Variants in RARB observed in about 807,000 individuals in gnomAD.
The protein encoded by RARB is retinoic acid receptor beta.
Under a neutral mutation model 51.9 loss-of-function variants are expected in RARB, and 17 were observed. The ratio of observed to expected loss-of-function variants is 0.33; its 90% CI spans 0.22 to 0.49. RARB has a LOEUF of 0.49. RARB is among the 20% of genes least tolerant of loss of function. RARB has a pLI of 0.99. For synonymous variants in RARB, 215 were observed against 195.4 expected, an observed-to-expected ratio of 1.10 and a Z score of -0.84; for missense variants, 369 against 550.8, an observed-to-expected ratio of 0.67 and a Z score of 3.30.
At chr3:25,139,367 T>G (rs989217711) in intron 4 of RARB, among the ~76,000 whole-genome samples, 1 of 152,144 alleles carries the variant, frequency 6.6e-6, no homozygotes, top group Non-Finnish European at 1.5e-5. Context: ...GCTACTCCAG[T>G]GAGCACACTA....
At chr3:24,861,806 A>G (rs1702753876) in intron 2 of RARB, among the ~76,000 whole-genome samples, 1 of 152,070 alleles carries the variant, frequency 6.6e-6, no homozygotes, top group Non-Finnish European at 1.5e-5. Flanking sequence ...TGAGCGTGAA[A>G]AAGACAAGTG....
chr3:25,179,283 G>A (rs1378230680), intron 5 of RARB, among the ~76,000 whole-genome samples: 16 of 152,150 alleles, frequency 1.1e-4, no homozygotes, highest in African/African-American at 3.1e-4. Context: ...GGGACAATTG[G>A]CTCAGAGGTG....
chr3:25,087,694 T>C (rs2125315569), intron 3 of RARB, among the ~76,000 whole-genome samples: 1 of 152,242 alleles, frequency 6.6e-6, no homozygotes, highest in South Asian at 2.1e-4. Flanking sequence ...TGTTATTCAT[T>C]CTCTCACCCA....
At chr3:25,377,069 T>C (rs1240600429) in intron 5 of RARB, among the ~76,000 whole-genome samples, 2 of 152,190 alleles carry the variant, frequency 1.3e-5, no homozygotes, top group Non-Finnish European at 2.9e-5. Context: ...TACTGAGTGA[T>C]TAATAACCCA....
intron 2 of RARB, among the ~76,000 whole-genome samples, chr3:25,471,750 C>G (rs752754456): frequency 6.6e-6 from 1 of 151,850 alleles, no homozygotes; most frequent in Non-Finnish European, 1.5e-5. Context: ...AGAACACTTT[C>G]ATTTGCTGTT....
intron 5 of RARB, among the ~76,000 whole-genome samples, chr3:25,359,755 G>T (rs1421692805): frequency 6.6e-6 from 1 of 152,160 alleles, no homozygotes; most frequent in Non-Finnish European, 1.5e-5. Context: ...TCAGGAGCAG[G>T]TTGTTCAGTT....
intron 5 of RARB, among the ~76,000 whole-genome samples, chr3:25,414,169 AC>A: frequency 6.6e-6 from 1 of 152,356 alleles, no homozygotes; most frequent in Non-Finnish European, 1.5e-5. Flanking sequence ...ATCAAATTAT[AC>A]ATTAGCTACT....
chr3:24,840,084 G>A (rs1048061000), intron 1 of RARB, among the ~76,000 whole-genome samples: 2 of 152,120 alleles, frequency 1.3e-5, no homozygotes, highest in South Asian at 4.1e-4. Context: ...CTGAGTGTAG[G>A]TTTTCTCACC....
At chr3:25,021,069 T>G (rs1160954335) in intron 2 of RARB, among the ~76,000 whole-genome samples, 1 of 152,254 alleles carries the variant, frequency 6.6e-6, no homozygotes, top group African/African-American at 2.4e-5. Context: ...TGATGTATTC[T>G]GAAAAATTAT....
At chr3:25,364,397 A>G (rs927392509) in intron 5 of RARB, among the ~76,000 whole-genome samples, 2 of 152,220 alleles carry the variant, frequency 1.3e-5, no homozygotes, top group African/African-American at 2.4e-5. Flanking sequence ...GTTGAATCCT[A>G]TGTACCTCCT....
At chr3:25,088,120 AG>A (rs1235672726) in intron 3 of RARB, among the ~76,000 whole-genome samples, 1 of 152,020 alleles carries the variant, frequency 6.6e-6, no homozygotes, top group Non-Finnish European at 1.5e-5. Flanking sequence ...TAGGGATCTA[AG>A]GCAAGGGGTC....
intron 3 of RARB, among the ~76,000 whole-genome samples, chr3:25,106,511 A>C: frequency 7.7e-6 from 1 of 130,238 alleles, no homozygotes; most frequent in South Asian, 2.5e-4. Flanking sequence ...CCATGTTGCC[A>C]AGGCTGGTCT....
chr3:24,958,255 G>GTTTTTTTTTTTTTTT (rs71057692), intron 2 of RARB, among the ~76,000 whole-genome samples: 7 of 69,470 alleles, frequency 1.0e-4, no homozygotes, highest in African/African-American at 1.3e-4. Context: ...AGCTGCTCAG[G>GTTTTTTTTTTTTTTT]TTTTTTTTTT....
intron 2 of RARB, among the ~76,000 whole-genome samples, chr3:25,004,490 C>G (rs913417504): frequency 2.6e-5 from 4 of 152,106 alleles, no homozygotes; most frequent in African/African-American, 4.8e-5. Flanking sequence ...AAGGGCTGAA[C>G]TTGCCCTTTT....
chr3:25,147,295 G>A (rs573356288), intron 4 of RARB, among the ~76,000 whole-genome samples: 5 of 151,946 alleles, frequency 3.3e-5, no homozygotes, highest in South Asian at 2.1e-4. Flanking sequence ...TTGTTCTACC[G>A]GTTCTTCCCA....
chr3:24,901,898 A>G (rs986897031), intron 2 of RARB, among the ~76,000 whole-genome samples: 1 of 152,096 alleles, frequency 6.6e-6, no homozygotes, highest in Non-Finnish European at 1.5e-5. Context: ...CGTTAATAAT[A>G]ATAAGTTGGT....
intron 5 of RARB, among the ~76,000 whole-genome samples, chr3:25,285,648 C>T (rs972517536): frequency 6.6e-6 from 1 of 152,114 alleles, no homozygotes; most frequent in Non-Finnish European, 1.5e-5. Context: ...GGGAGTATTT[C>T]AGAAACTTTT....
chr3:25,430,988 C>CTTTTTTT (rs11360533), intron 1 of RARB, among the ~76,000 whole-genome samples: 1 of 105,206 alleles, frequency 9.5e-6, no homozygotes, highest in Non-Finnish European at 1.9e-5. Context: ...AAAACTAAAA[C>CTTTTTTT]TTTTTTTTTT....
At chr3:25,356,318 G>GA (rs1352834742) in intron 5 of RARB, among the ~76,000 whole-genome samples, 3 of 151,716 alleles carry the variant, frequency 2.0e-5, no homozygotes, top group East Asian at 1.9e-4. Context: ...CTATAGGAGG[G>GA]AAAAAAAGGT....
Sources: gnomAD v4.1 joint callset for allele counts (sites outside exome capture counted in the v4.1 genomes callset) on GRCh38, gnomAD v4.1.1 for gene constraint, MANE v1.5 for transcripts, NCBI Gene and HGNC (gene_info 2026-07-23, HGNC 2026-07-21) for gene names.